Variants in ZNF808 observed in about 807,000 individuals in gnomAD.
The protein encoded by ZNF808 is zinc finger protein 808.
In ZNF808, 5 loss-of-function variants were observed where a neutral mutation model predicts 8.7. That is an observed-to-expected ratio of 0.58 (90% CI 0.30 to 1.21). ZNF808 has a LOEUF of 1.21. Among genes scored for constraint, ZNF808 ranks in the 50% most tolerant of loss-of-function variants. The probability of loss-of-function intolerance (pLI) is 0.07; values close to 1 mark genes in which losing one functional copy is unlikely to be tolerated. For missense variants in ZNF808, 1,103 were observed against 1,098.4 expected (o/e 1.00, Z -0.06); for synonymous variants, 380 against 366.0 (o/e 1.04, Z -0.44).
chr19:52,568,158 C>G (rs977886484), downstream of ZNF808, among the ~76,000 whole-genome samples: 3 of 152,062 alleles, frequency 2.0e-5, no homozygotes, highest in Non-Finnish European at 2.9e-5. Flanking sequence ...GATCGCCTGA[C>G]GTCAGGAATT....
In ZNF808 at chr19:52,563,906, G is replaced by T. The variant is rs370550595; in HGVS notation, c.*1011G>T. On this transcript the variant is annotated 3_prime_UTR_variant and NMD_transcript_variant, in exon 4 of 4. Coordinates refer to the ZNF808 transcript ENST00000487863. ...AGCTACTCAAGAGGCTGAGGCAGAA[G>T]AATTGCTTGAACCCGGGAGGCGGAA... The T allele has an allele frequency of 4.7e-5, 13 of 277,996 alleles. No individual in the cohort carries two copies. The East Asian group carries it at 6.7e-4, about 14-fold the overall frequency. The allele number at this position is 277,996 out of a possible 1,614,324, so 17.2% of individuals were successfully genotyped here.
chr19:52,539,234 C>T (rs183936308), intron 2 of ZNF808, among the ~76,000 whole-genome samples: 75 of 141,736 alleles, frequency 5.3e-4, no homozygotes, highest in African/African-American at 1.8e-3. Context: ...CTCTGTGTCA[C>T]GCAGGCTGGA....
Position 52,555,298 on chromosome 19 carries a change from G to T in ZNF808, c.2382G>T (p.Thr794=), listed in dbSNP as rs765249555. The part of the protein sequence containing the change: ...LHTGEKSYKC[T]VCDKAFVRNS... ...CTGGAGAGAAATCTTACAAATGTACGGTTTGTGACAAGGCTTTCGTGCGTA... is the reference window on the plus strand; with the variant it reads ...CTGGAGAGAAATCTTACAAATGTACTGTTTGTGACAAGGCTTTCGTGCGTA... The change falls in exon 5 of 5, where the codon ACG becomes ACT. Residue 794 remains threonine (T), a synonymous_variant. Coordinates refer to ENST00000359798, the MANE Select transcript of ZNF808 (RefSeq NM_001039886.4). 56 of 1,613,852 alleles carry T rather than the reference G, an allele frequency of 3.5e-5. 1 individual carries two copies. The South Asian group carries it at 5.9e-4, about 17-fold the overall frequency.
At chr19:52,537,668 A>G (rs1410703828) in intron 2 of ZNF808, among the ~76,000 whole-genome samples, 2 of 150,644 alleles carry the variant, frequency 1.3e-5, no homozygotes, top group East Asian at 2.0e-4. Flanking sequence ...AGCCTGGTCA[A>G]AAGAGCAAGA....
chr19:52,566,575 T>A (rs2059873497), downstream of ZNF808, among the ~76,000 whole-genome samples: 1 of 152,180 alleles, frequency 6.6e-6, no homozygotes, highest in South Asian at 2.1e-4. Flanking sequence ...AACTTTATAA[T>A]ATTTCACTTA....
At chr19:52,542,799 C>G (rs899401127) in intron 2 of ZNF808, among the ~76,000 whole-genome samples, 31 of 151,656 alleles carry the variant, frequency 2.0e-4, no homozygotes, top group Non-Finnish European at 7.4e-5. Flanking sequence ...CAAGTAGTTA[C>G]AATCTTTTGA....
intron 2 of ZNF808, among the ~76,000 whole-genome samples, chr19:52,535,474 C>A (rs551631673): frequency 2.6e-5 from 4 of 152,296 alleles, no homozygotes; most frequent in African/African-American, 9.6e-5. Context: ...GCCGCTGCTT[C>A]CTGAGTAGCT....
chr19:52,528,396 A>G (rs1420829691), intron 1 of ZNF808, among the ~76,000 whole-genome samples: 1 of 152,244 alleles, frequency 6.6e-6, no homozygotes, highest in Non-Finnish European at 1.5e-5. Context: ...GGAGACAGAC[A>G]GCAGTAGAAA....
At chr19:52,529,414 G>T (rs1197818605) in intron 1 of ZNF808, among the ~76,000 whole-genome samples, 2 of 152,122 alleles carry the variant, frequency 1.3e-5, no homozygotes, top group African/African-American at 2.4e-5. Flanking sequence ...ACTGGGTTTA[G>T]ATCAGTGGAT....
At position 52,545,182 on chromosome 19, in the gene ZNF808, A is replaced by T. The variant is rs145947165; in HGVS notation, c.63+1835A>T. 5.9e-3 allele frequency among the ~76,000 whole-genome samples: 901 copies of T among 152,008 alleles called. 10 individuals carry two copies. The highest frequency in any genetic ancestry group is 0.02 in the African/African-American group (834 of 41,440). ...ACATCATTGATTTTATTTTATTTTT[A>T]AATTTGTTTTGAGTTGAGTCTCTGT... On this transcript the variant is annotated intron_variant, in intron 3 of 4. Coordinates refer to ENST00000359798, the MANE Select transcript of ZNF808 (RefSeq NM_001039886.4).
chr19:52,561,012 A>T (rs1346661812), downstream of ZNF808, among the ~76,000 whole-genome samples: 43 of 151,196 alleles, frequency 2.8e-4, no homozygotes, highest in Non-Finnish European at 4.1e-4. Context: ...ACAAAATTAT[A>T]GGAGGCCGCT....
intron 3 of ZNF808, among the ~76,000 whole-genome samples, chr19:52,546,427 C>CACCT (rs1194565368): frequency 6.6e-6 from 1 of 152,036 alleles, no homozygotes; most frequent in Non-Finnish European, 1.5e-5. Context: ...CCTCATGATC[C>CACCT]ACCTGCCTTG....
At chr19:52,553,022 T>C in intron 4 of ZNF808, 85 bp from the exon 5 acceptor site, 1 of 1,418,578 alleles carries the variant, frequency 7.0e-7, no homozygotes, top group East Asian at 2.5e-5. Context: ...AAAATAAGTA[T>C]TGTTTTTTGT....
intron 2 of ZNF808, among the ~76,000 whole-genome samples, chr19:52,542,066 G>A (rs2059676105): frequency 6.6e-6 from 1 of 151,856 alleles, no homozygotes; most frequent in Non-Finnish European, 1.5e-5. Context: ...AGATGTATAC[G>A]TGAAAAGAGT....
intron 3 of ZNF808, among the ~76,000 whole-genome samples, chr19:52,561,503 C>T (rs1422712186): frequency 6.6e-6 from 1 of 151,828 alleles, no homozygotes; most frequent in Non-Finnish European, 1.5e-5. Flanking sequence ...CATGAACACA[C>T]TGGCCTGCTG....
At chr19:52,543,061 A>G (rs1599988049) in intron 2 of ZNF808, among the ~76,000 whole-genome samples, 2 of 151,794 alleles carry the variant, frequency 1.3e-5, no homozygotes, top group East Asian at 1.9e-4. Flanking sequence ...CGGCTTCTCC[A>G]TGAAGGGAGT....
Position 52,555,154 on chromosome 19 carries a change from G to C in ZNF808, c.2238G>C (p.Gln746His). 6.2e-7 allele frequency: 1 copy of C among 1,613,344 alleles called. No homozygotes were observed. The highest frequency in any genetic ancestry group is 1.1e-5 in the South Asian group (1 of 91,040). ...KCSECSKTFS[Q>H]KATLLCHRRL... ...GTGAGTGCAGCAAGACGTTCAGTCAGAAGGCAACCCTTCTATGCCATCGTA... is the reference window on the plus strand; with the variant it reads ...GTGAGTGCAGCAAGACGTTCAGTCACAAGGCAACCCTTCTATGCCATCGTA... Residue 746 changes from glutamine (Q) to histidine (H), a missense_variant, in exon 5 of 5, where the codon CAG (glutamine) becomes CAC (histidine). Transcript: ENST00000359798.
chr19:52,560,997 A>G (rs1371801453), downstream of ZNF808, among the ~76,000 whole-genome samples: 2 of 151,812 alleles, frequency 1.3e-5, no homozygotes, highest in African/African-American at 4.8e-5. Flanking sequence ...TTATTCATCC[A>G]CTGGACAAAA....
chr19:52,552,079 A>G (rs1406999393), intron 4 of ZNF808, among the ~76,000 whole-genome samples: 1 of 150,894 alleles, frequency 6.6e-6, no homozygotes, highest in East Asian at 2.0e-4. Context: ...GTGCAGTGGC[A>G]TGATCTCAGA....
Sources: gnomAD v4.1 joint callset for allele counts (sites outside exome capture counted in the v4.1 genomes callset) on GRCh38, gnomAD v4.1.1 for gene constraint, MANE v1.5 for transcripts, NCBI Gene and HGNC (gene_info 2026-07-23, HGNC 2026-07-21) for gene names.